The following CUBN variants were observed in gnomAD, a reference collection of about 807,000 sequenced individuals.
CUBN encodes cubilin.
Under a neutral mutation model 405.3 loss-of-function variants are expected in CUBN, and 282 were observed. That is an observed-to-expected ratio of 0.70 (90% CI 0.63 to 0.77). The LOEUF (loss-of-function observed/expected upper bound fraction) is 0.77. Ranked by LOEUF, CUBN falls within the 30% of genes least tolerant of loss-of-function variation. CUBN has a pLI of 0.00. For synonymous variants in CUBN, 1,684 were observed against 1,617.0 expected (o/e 1.04, Z -0.99); for missense variants, 4,514 against 4,475.2 (o/e 1.01, Z -0.25).
intron 54 of CUBN, among the ~76,000 whole-genome samples, chr10:16,895,509 G>A (rs368502037): frequency 1.8e-4 from 28 of 152,240 alleles, no homozygotes; most frequent in African/African-American, 6.3e-4. Flanking sequence ...AGCTATAACC[G>A]AAGATTTGTC....
intron 41 of CUBN, among the ~76,000 whole-genome samples, chr10:16,927,017 A>G (rs1165203617): frequency 6.6e-6 from 1 of 151,964 alleles, no homozygotes; most frequent in African/African-American, 2.4e-5. Context: ...AGTCCATTAT[A>G]CCACTCACAG....
chr10:16,969,855 T>C (rs1231199266), intron 31 of CUBN, among the ~76,000 whole-genome samples: 3 of 152,136 alleles, frequency 2.0e-5, no homozygotes, highest in East Asian at 1.9e-4. Context: ...CCAGAGATCA[T>C]GTGAAGCCTG....
intron 28 of CUBN, among the ~76,000 whole-genome samples, chr10:17,010,162 T>C (rs1418035856): frequency 1.3e-5 from 2 of 152,238 alleles, no homozygotes; most frequent in African/African-American, 4.8e-5. Flanking sequence ...CTCTGGAGAA[T>C]GCCCCAGCCC....
intron 28 of CUBN, among the ~76,000 whole-genome samples, chr10:17,017,268 C>G (rs892167077): frequency 6.6e-6 from 1 of 152,180 alleles, no homozygotes; most frequent in African/African-American, 2.4e-5. Flanking sequence ...TCCTCCTAGA[C>G]CACAAGGAGG....
chr10:17,033,643 T>C (rs908013745), intron 27 of CUBN, among the ~76,000 whole-genome samples: 2 of 152,216 alleles, frequency 1.3e-5, no homozygotes, highest in Non-Finnish European at 2.9e-5. Flanking sequence ...TAGGTCTCTA[T>C]TTGTGAAACA....
intron 59 of CUBN, among the ~76,000 whole-genome samples, chr10:16,863,861 T>C (rs1840086801): frequency 6.6e-6 from 1 of 152,210 alleles, no homozygotes; most frequent in African/African-American, 2.4e-5. Context: ...ATTTAACGTG[T>C]TTGAGAGACA....
At chr10:17,013,797 G>A (rs1253742753) in intron 28 of CUBN, among the ~76,000 whole-genome samples, 1 of 152,188 alleles carries the variant, frequency 6.6e-6, no homozygotes, top group Non-Finnish European at 1.5e-5. Context: ...GCTTACTTCA[G>A]TATGGTTACA....
Position 16,914,257 on chromosome 10 carries a change from G to C in CUBN, c.7352-265C>G, listed in dbSNP as rs1439627362. Among the ~76,000 whole-genome samples, 3 of 152,190 alleles carry C rather than the reference G, an allele frequency of 2.0e-5. No homozygotes were observed. The East Asian group carries it at 5.8e-4, about 29-fold the overall frequency. ...CCCAAGAAATGAGAGACCAATGAAT[G>C]TAATGAACTTAAGAATCAGGAAAAT... On this transcript the variant is annotated intron_variant, in intron 47 of 66. Coordinates refer to ENST00000377833, the MANE Select transcript of CUBN (RefSeq NM_001081.4).
chr10:17,100,031 G>A lies in CUBN; in HGVS notation c.1739C>T (p.Thr580Ile). 6.2e-7 allele frequency: 1 copy of A among 1,613,356 alleles called. No individual in the cohort carries two copies. The highest frequency in any genetic ancestry group is 8.5e-7 in the Non-Finnish European group (1 of 1,179,430). ...TGGTTGCTGTGTTTCCCATCTTACT[G>A]TAAAGCCTCTCCCATTTCTTAAATG... ...SEHLRNGRGF[T>I]VRWETQQPEC... Residue 580 changes from threonine to isoleucine, a missense_variant, in exon 14 of 67, where the codon ACA becomes ATA. Physicochemically the swap from Thr to Ile is moderately conservative, Grantham distance 89. Around this residue, in one of 5 missense-constraint regions of CUBN, gnomAD observed 1,448 missense variants for 1,388.0 expected, o/e 1.04. Transcript: ENST00000377833.
chr10:16,847,529 G>A (rs1564383211), intron 60 of CUBN, among the ~76,000 whole-genome samples: 1 of 152,150 alleles, frequency 6.6e-6, no homozygotes, highest in African/African-American at 2.4e-5. Context: ...TTATTTAAAT[G>A]TATGTTTTTT....
intron 22 of CUBN, among the ~76,000 whole-genome samples, chr10:17,048,850 A>G (rs1835197019): frequency 1.3e-5 from 2 of 152,214 alleles, no homozygotes; most frequent in Non-Finnish European, 2.9e-5. Context: ...AGCTCAGAAA[A>G]GAAGAATCAT....
At chr10:16,853,495 G>C (rs1285438711) in intron 59 of CUBN, among the ~76,000 whole-genome samples, 3 of 152,210 alleles carry the variant, frequency 2.0e-5, no homozygotes, top group Non-Finnish European at 4.4e-5. Context: ...CCAATGGATA[G>C]ATAGCAAACG....
chr10:17,129,003 G>T (rs1466156998), intron 2 of CUBN, 118 bp downstream of exon 2: 1 of 752,198 alleles, frequency 1.3e-6, no homozygotes, highest in East Asian at 2.8e-5. Context: ...ATCAAATTAT[G>T]TATTAATAAA....
chr10:16,883,762 GACA>G (rs1203027127), intron 56 of CUBN, among the ~76,000 whole-genome samples: 1 of 152,116 alleles, frequency 6.6e-6, no homozygotes, highest in East Asian at 1.9e-4. Flanking sequence ...ATCTCTAGAG[GACA>G]ACAAGCAAAG....
chr10:16,988,613 A>T (rs1271295644), intron 29 of CUBN, among the ~76,000 whole-genome samples: 1 of 152,210 alleles, frequency 6.6e-6, no homozygotes, highest in Non-Finnish European at 1.5e-5. Context: ...GTGATGAATT[A>T]CTAAAAGTAA....
rs1054593440 is a variant in CUBN, at chr10:17,098,040, G to A, written c.1765+1965C>T. Among the ~76,000 whole-genome samples, 6 of 152,244 alleles carry A rather than the reference G, an allele frequency of 3.9e-5. No homozygotes were observed. The East Asian group carries it at 5.8e-4, about 15-fold the overall frequency. On this transcript the variant is annotated intron_variant, in intron 14 of 66. Coordinates refer to ENST00000377833, the MANE Select transcript of CUBN (RefSeq NM_001081.4). Reference sequence around the variant, plus strand: ...AAAATTCCCACGCAGCACCTGTCTGGTTCTGTTGTAATGCTTGCTCTGAGA... The same window carrying A: ...AAAATTCCCACGCAGCACCTGTCTGATTCTGTTGTAATGCTTGCTCTGAGA...
chr10:16,908,579 G>A (rs1841624622), intron 48 of CUBN, among the ~76,000 whole-genome samples: 1 of 152,068 alleles, frequency 6.6e-6, no homozygotes, highest in South Asian at 2.1e-4. Flanking sequence ...TTCCAATAAT[G>A]GATTATTATT....
intron 6 of CUBN, among the ~76,000 whole-genome samples, chr10:17,116,321 T>A (rs984379764): frequency 1.3e-5 from 2 of 152,212 alleles, no homozygotes; most frequent in Admixed American, 1.3e-4. Context: ...TTTAGCCTTA[T>A]CTCTGCAGCT....
At chr10:17,113,328 T>C (rs1021577656) in intron 8 of CUBN, among the ~76,000 whole-genome samples, 2 of 152,054 alleles carry the variant, frequency 1.3e-5, no homozygotes, top group African/African-American at 4.8e-5. Context: ...TGTGGCTCCA[T>C]TTCTAAGAAC....
Sources: allele counts gnomAD v4.1 joint callset (sites outside exome capture counted in the v4.1 genomes callset), GRCh38; gene constraint gnomAD v4.1.1; regional missense constraint gnomAD v4.1.1; transcripts MANE v1.5; gene names NCBI Gene and HGNC (gene_info 2026-07-23, HGNC 2026-07-21).